ATP6V0A4: variants seen among roughly 807,000 people sequenced by gnomAD.
ATP6V0A4 encodes the protein ATPase H+ transporting V0 subunit a4, also known as V-type proton ATPase 116 kDa subunit a 4.
A neutral mutation model predicts 107.3 loss-of-function variants in ATP6V0A4; 86 were observed. The observed-to-expected ratio is 0.80, with a 90% CI of 0.67 to 0.96. ATP6V0A4 has a LOEUF of 0.96. Among genes scored for constraint, ATP6V0A4 ranks in the 40% least tolerant of loss-of-function variants. ATP6V0A4 has a pLI of 0.00. For synonymous variants in ATP6V0A4, 353 were observed against 381.4 expected (o/e 0.93, Z 0.87); for missense variants, 908 against 1,045.6 (o/e 0.87, Z 1.81).
chr7:138,734,243 C>T lies in ATP6V0A4; in HGVS notation c.1584G>A (p.Leu528=). ...YPFGIDPIWN[L]ASNKLTFLNS... ...TCAGAAATGTGAGTTTGTTTGAAGC[C>T]AAGTTCCAAATCTGGATGGGAAATG... The change falls in exon 16 of 22, where the codon TTG becomes TTA. Residue 528 remains leucine (L), a synonymous_variant. Transcript: ENST00000310018. 1 of 1,613,384 alleles carries T rather than the reference C, an allele frequency of 6.2e-7. No individual in the cohort carries two copies. The highest frequency in any genetic ancestry group is 1.1e-5 in the South Asian group (1 of 91,042).
intron 1 of ATP6V0A4, among the ~76,000 whole-genome samples, chr7:138,786,488 A>G (rs1392787971): frequency 6.7e-6 from 1 of 150,068 alleles, no homozygotes; most frequent in African/African-American, 2.4e-5. Flanking sequence ...CTGAGGTGGG[A>G]GGATCGCTTG....
At chr7:138,714,361 C>T (rs144326924) in intron 20 of ATP6V0A4, among the ~76,000 whole-genome samples, 3 of 152,004 alleles carry the variant, frequency 2.0e-5, no homozygotes, top group African/African-American at 2.4e-5. Flanking sequence ...CAAGATGGGG[C>T]TTACAAGTGA....
intron 1 of ATP6V0A4, among the ~76,000 whole-genome samples, chr7:138,789,144 C>T (rs7780696): frequency 0.57 from 86,994 of 151,664 alleles, 25,266 homozygotes; most frequent in African/African-American, 0.64. Context: ...ATTGTGACCA[C>T]GAGCACTCCA....
intron 14 of ATP6V0A4, among the ~76,000 whole-genome samples, chr7:138,741,377 T>A (rs1043793654): frequency 1.3e-5 from 2 of 152,120 alleles, no homozygotes; most frequent in African/African-American, 4.8e-5. Flanking sequence ...CCTAATGGCA[T>A]GACTCAGTGC....
intron 19 of ATP6V0A4, among the ~76,000 whole-genome samples, chr7:138,721,568 G>A (rs1804423325): frequency 1.3e-5 from 2 of 152,228 alleles, no homozygotes; most frequent in East Asian, 3.9e-4. Context: ...ATAGGGGCGT[G>A]GTGCTGAGCC....
At position 138,747,508 on chromosome 7, in the gene ATP6V0A4, C is replaced by T. The variant is rs372525689; in HGVS notation, c.1237G>A (p.Gly413Ser). 6 of 1,614,078 alleles carry T rather than the reference C, an allele frequency of 3.7e-6. No individual in the cohort carries two copies. In the Admixed American group the frequency reaches 1.0e-4, roughly 27 times the overall value. Residue 413 changes from glycine (G) to serine (S), a missense_variant, in exon 13 of 22, where the codon GGT becomes AGT. Physicochemically the swap from Gly to Ser is moderately conservative, Grantham distance 56. Transcript: ENST00000310018. ...GCCAGGAGCATCACGGTTCCATGACCACAGTCTCCAAACATCACAGCGAAC... is the reference window on the plus strand; with the variant it reads ...GCCAGGAGCATCACGGTTCCATGACTACAGTCTCCAAACATCACAGCGAAC... ...FLFAVMFGDC[G>S]HGTVMLLAAL...
chr7:138,797,508 T>G (rs115527616), intron 1 of ATP6V0A4, among the ~76,000 whole-genome samples: 1,742 of 151,960 alleles, frequency 0.011, 26 homozygotes, highest in African/African-American at 0.039. Flanking sequence ...TGAGCCCCCA[T>G]GCCCAACCTC....
At chr7:138,720,156 C>T (rs1206959472) in intron 19 of ATP6V0A4, among the ~76,000 whole-genome samples, 1 of 152,140 alleles carries the variant, frequency 6.6e-6, no homozygotes, top group Non-Finnish European at 1.5e-5. Context: ...GCCCTGGGAA[C>T]CCCCAAACTT....
chr7:138,733,112 C>T lies in ATP6V0A4; in HGVS notation c.1692-19G>A, dbSNP rs1805110548. ...GAAGTATCTGGGGGTGGAAGACACACACATACACAAGATAGAACATCAAGG... is the reference window on the plus strand; with the variant it reads ...GAAGTATCTGGGGGTGGAAGACACATACATACACAAGATAGAACATCAAGG... On this transcript the variant is annotated intron_variant, in intron 16 of 21. Coordinates refer to ENST00000310018, the MANE Select transcript of ATP6V0A4 (RefSeq NM_020632.3). 6.2e-7 allele frequency: 1 copy of T among 1,613,652 alleles called. No homozygotes were observed. The highest frequency in any genetic ancestry group is 8.5e-7 in the Non-Finnish European group (1 of 1,179,934).
intron 16 of ATP6V0A4, among the ~76,000 whole-genome samples, chr7:138,733,500 C>A (rs1805137257): frequency 1.4e-5 from 1 of 73,754 alleles, no homozygotes; most frequent in African/African-American, 4.5e-5. Context: ...TAGGGGTCTG[C>A]AAAGTGTGGC....
intron 19 of ATP6V0A4, among the ~76,000 whole-genome samples, chr7:138,718,466 G>A (rs1212206113): frequency 5.5e-5 from 7 of 127,082 alleles, no homozygotes; most frequent in African/African-American, 2.2e-4. Flanking sequence ...AAGGAATGGG[G>A]GGGATGGCGG....
intron 2 of ATP6V0A4, 96 bp from the exon 3 acceptor site, chr7:138,771,360 G>T: frequency 7.5e-7 from 1 of 1,341,442 alleles, no homozygotes; most frequent in African/African-American, 1.5e-5. Flanking sequence ...ATCTAACAGG[G>T]AAAAAAAATC....
At chr7:138,735,313 G>A (rs1237856472) in intron 15 of ATP6V0A4, among the ~76,000 whole-genome samples, 3 of 152,150 alleles carry the variant, frequency 2.0e-5, no homozygotes, top group Non-Finnish European at 2.9e-5. Context: ...ACCTGTACTT[G>A]AGGTACATCC....
intron 18 of ATP6V0A4, among the ~76,000 whole-genome samples, chr7:138,723,565 G>T (rs907436199): frequency 6.3e-5 from 8 of 127,838 alleles, no homozygotes; most frequent in Non-Finnish European, 1.3e-4. Context: ...TTGCTCCTTC[G>T]CCCAGGCTGG....
At chr7:138,796,335 C>A (rs545600125) in intron 1 of ATP6V0A4, among the ~76,000 whole-genome samples, 1 of 152,248 alleles carries the variant, frequency 6.6e-6, no homozygotes, top group East Asian at 1.9e-4. Flanking sequence ...TTGGCCCTAT[C>A]CCCAAATCCA....
At chr7:138,710,082 A>C (rs1475297174) in intron 20 of ATP6V0A4, among the ~76,000 whole-genome samples, 1 of 151,912 alleles carries the variant, frequency 6.6e-6, no homozygotes, top group Admixed American at 6.6e-5. Flanking sequence ...CTGGAATGCC[A>C]TAGTGCAATT....
At chr7:138,796,330 C>T (rs1318121067) in intron 1 of ATP6V0A4, among the ~76,000 whole-genome samples, 2 of 152,030 alleles carry the variant, frequency 1.3e-5, no homozygotes. Flanking sequence ...GCACGTTGGC[C>T]CTATCCCCAA....
chr7:138,792,227 G>C (rs745742490), intron 1 of ATP6V0A4, among the ~76,000 whole-genome samples: 50 of 152,180 alleles, frequency 3.3e-4, no homozygotes, highest in Admixed American at 1.8e-3. Context: ...AGAATGGCGT[G>C]AACCCAGGAG....
chr7:138,787,778 G>A (rs7802211), intron 1 of ATP6V0A4, among the ~76,000 whole-genome samples: 6,537 of 152,136 alleles, frequency 0.043, 191 homozygotes, highest in African/African-American at 0.082. Flanking sequence ...CGGAAGGATC[G>A]CTTGAGCCCA....
Sources: gnomAD v4.1 joint callset for allele counts (sites outside exome capture counted in the v4.1 genomes callset) on GRCh38, gnomAD v4.1.1 for gene constraint, MANE v1.5 for transcripts, NCBI Gene and HGNC (gene_info 2026-07-23, HGNC 2026-07-21) for gene names.